Variants in B3GNT9 observed in about 807,000 individuals in gnomAD.
B3GNT9 encodes BGnT-9.
For synonymous variants in B3GNT9, 359 were observed against 283.9 expected (o/e 1.26, Z -2.66); for missense variants, 669 against 599.2 (o/e 1.12, Z -1.22).
In B3GNT9 at chr16:67,149,269, G is replaced by T; in HGVS notation, c.*8C>A. The T allele has an allele frequency of 6.5e-7, 1 of 1,530,526 alleles. No homozygotes were observed. Among genetic ancestry groups the T allele is most frequent in the Non-Finnish European group, 8.8e-7 (1 of 1,139,758 alleles). The allele number at this position is 1,530,526 out of a possible 1,614,324, so 94.8% of individuals were successfully genotyped here. Reference sequence around the variant, plus strand: ...TCTGAGTTAGGAGCTTGGGGCTGTAGTGGGGAGCTAGGAGTCCCATTGGAA... The same window carrying T: ...TCTGAGTTAGGAGCTTGGGGCTGTATTGGGGAGCTAGGAGTCCCATTGGAA... On this transcript the variant is annotated 3_prime_UTR_variant, in exon 2 of 2. Transcript: ENST00000449549.
Position 67,149,716 on chromosome 16 carries a change from A to G in B3GNT9, c.770T>C (p.Val257Ala). Residue 257 changes from valine to alanine, a missense_variant, in exon 2 of 2, where the codon GTA becomes GCA. By Grantham distance (64) the Val-to-Ala change is moderately conservative (BLOSUM62 0). Transcript: ENST00000449549. ...GCGGATGGGCCGCGCATGCACAATT[A>G]CGTCACCAGCAAGCAGGTCTTGCGC... ...DPAQDLLAGD[V>A]IVHARPIRTR... 1 of 1,613,410 alleles carries G rather than the reference A, an allele frequency of 6.2e-7. No homozygotes were observed. The highest frequency in any genetic ancestry group is 8.5e-7 in the Non-Finnish European group (1 of 1,179,782).
rs2030398456 is a variant in B3GNT9 at position 67,149,961 on chromosome 16, T to TCG, written c.523_524dup (p.Thr176GlufsTer30). 6.4e-7 allele frequency: 1 copy of TCG among 1,554,098 alleles called. No individual in the cohort carries two copies. Among genetic ancestry groups the TCG allele is most frequent in the Non-Finnish European group, 8.7e-7 (1 of 1,149,508 alleles). On this transcript the variant is annotated frameshift_variant, in exon 2 of 2. Coordinates refer to ENST00000449549, the MANE Select transcript of B3GNT9 (RefSeq NM_033309.3). LOFTEE classifies it low-confidence loss of function (END_TRUNC). ...CCCGCAGCAGGGCGCGCCAGTGGGT[T>TCG]CGCGCGCCCTCCCCAACTTCGTCGG...
In B3GNT9 at chr16:67,148,969, C is replaced by T. The variant is rs2030336252; in HGVS notation, c.*308G>A. 2 of 298,864 alleles carry T rather than the reference C, an allele frequency of 6.7e-6. No homozygotes were observed. Among genetic ancestry groups the T allele is most frequent in the Non-Finnish European group, 1.2e-5 (2 of 170,740 alleles). 18.5% of individuals were successfully genotyped at this position (298,864 alleles called of 1,614,324 possible). ...AGCAGAGTGGTAGGATTCCCTAAGT[C>T]CCTGCCACCACACCAGAACACACCT... On this transcript the variant is annotated 3_prime_UTR_variant, in exon 2 of 2. Coordinates refer to ENST00000449549, the MANE Select transcript of B3GNT9 (RefSeq NM_033309.3).
At position 67,150,359 on chromosome 16, in the gene B3GNT9, C is replaced by G. The variant is rs1239302184; in HGVS notation, c.127G>C (p.Gly43Arg). The G allele has an allele frequency of 2.2e-6, 3 of 1,350,536 alleles. No individual in the cohort carries two copies. In the South Asian group the frequency reaches 6.0e-5, roughly 27 times the overall value. 83.7% of individuals were successfully genotyped at this position (1,350,536 alleles called of 1,614,324 possible). The stretch of plus-strand genomic sequence containing the variant: ...GGGGTGGGCCTCGGTGCCGCCCTCC[C>G]TCGCCCTCGCGGCGCGCTCGCCGTC... ...APTASAPRGR[G>R]RAAPRPTPGP... The change falls in exon 2 of 2, where the codon GGG (glycine) becomes CGG (arginine). Residue 43 changes from glycine to arginine, a missense_variant. Gly to Arg is a moderately radical substitution (Grantham distance 125). Transcript: ENST00000449549.
In B3GNT9 at chr16:67,149,775, T is replaced by G. The variant is rs183365581; in HGVS notation, c.711A>C (p.Gly237=). 3.1e-5 allele frequency: 50 copies of G among 1,613,832 alleles called. No homozygotes were observed. In the East Asian group the frequency reaches 1.0e-3, roughly 33 times the overall value. Residue 237 remains glycine (G), a synonymous_variant, in exon 2 of 2, where the codon GGA becomes GGC. Coordinates refer to ENST00000449549, the MANE Select transcript of B3GNT9 (RefSeq NM_033309.3). ...GCGGCGCCAGGAACTCCAGGAGATTTCCCACGTTCACGAACACATCTGCGT... is the reference window on the plus strand; with the variant it reads ...GCGGCGCCAGGAACTCCAGGAGATTGCCCACGTTCACGAACACATCTGCGT... ...KGDADVFVNV[G]NLLEFLAPRD...
Position 67,150,039 on chromosome 16 carries a change from C to G in B3GNT9, c.447G>C (p.Leu149=). 4 of 1,506,940 alleles carry G rather than the reference C, an allele frequency of 2.7e-6. No individual in the cohort carries two copies. Among genetic ancestry groups the G allele is most frequent in the Non-Finnish European group, 3.5e-6 (4 of 1,129,716 alleles). The allele number at this position is 1,506,940 out of a possible 1,614,324, so 93.3% of individuals were successfully genotyped here. The change falls in exon 2 of 2, where the codon CTG becomes CTC. Residue 149 remains leucine, a synonymous_variant. Coordinates refer to ENST00000449549, the MANE Select transcript of B3GNT9 (RefSeq NM_033309.3). ...WGAEGRVQGA[L]VRRVFLLGVP... ...CGCCCAGCAAGAACACGCGGCGCACCAGCGCCCCCTGCACGCGACCCTCCG... is the reference window on the plus strand; with the variant it reads ...CGCCCAGCAAGAACACGCGGCGCACGAGCGCCCCCTGCACGCGACCCTCCG...
In B3GNT9 at chr16:67,149,763, C is replaced by T. The variant is rs769480252; in HGVS notation, c.723G>A (p.Glu241=). ...DVFVNVGNLL[E]FLAPRDPAQD... is the part of the protein sequence containing the mutation. ...GCGCCGGGTCCCGCGGCGCCAGGAA[C>T]TCCAGGAGATTTCCCACGTTCACGA... The change falls in exon 2 of 2, where the codon GAG becomes GAA. Residue 241 remains glutamate (E), a synonymous_variant. Coordinates refer to ENST00000449549, the MANE Select transcript of B3GNT9 (RefSeq NM_033309.3). 20 of 1,613,850 alleles carry T rather than the reference C, an allele frequency of 1.2e-5. No individual in the cohort carries two copies. Among genetic ancestry groups the T allele is most frequent in the Admixed American group, 1.7e-5 (1 of 60,032 alleles).
rs199644383 is a variant in B3GNT9, at chr16:67,149,676, C to T, written c.810G>A (p.Lys270=). The T allele has an allele frequency of 1.1e-3, 1,840 of 1,609,704 alleles. 19 individuals are homozygous for T. The African/African-American group carries it at 0.02, about 18-fold the overall frequency. The stretch of plus-strand genomic sequence containing the variant: ...CGTACACGGCCTCGGGGATGTAGTA[C>T]TTGCTAGCCCGCGTGCGGATGGGCC... The part of the protein sequence containing the change: ...HARPIRTRAS[K]YYIPEAVYGL... Residue 270 remains lysine, a synonymous_variant, in exon 2 of 2, where the codon AAG becomes AAA. Transcript: ENST00000449549.
chr16:67,150,554 C>A lies in B3GNT9; in HGVS notation c.-69G>T. The stretch of plus-strand genomic sequence containing the variant: ...CGGCAGCAGGGGGCAGCGAGCCCCG[C>A]CCTCCCCAGCTGAGGGGGCGGGAGG... On this transcript the variant is annotated 5_prime_UTR_variant, in exon 2 of 2. Coordinates refer to ENST00000449549, the MANE Select transcript of B3GNT9 (RefSeq NM_033309.3). 8.2e-7 allele frequency: 1 copy of A among 1,218,986 alleles called. No homozygotes were observed. 75.5% of individuals were successfully genotyped at this position (1,218,986 alleles called of 1,614,324 possible). A position where few individuals can be genotyped will look rare whatever the true frequency, so the allele number is the denominator to read the frequency against.
At position 67,150,545 on chromosome 16, in the gene B3GNT9, C is replaced by G; in HGVS notation, c.-60G>C. 1 of 1,233,774 alleles carries G rather than the reference C, an allele frequency of 8.1e-7. No homozygotes were observed. The highest frequency in any genetic ancestry group is 3.2e-5 in the East Asian group (1 of 31,586). 76.4% of individuals were successfully genotyped at this position (1,233,774 alleles called of 1,614,324 possible). On this transcript the variant is annotated 5_prime_UTR_variant, in exon 2 of 2. Coordinates refer to ENST00000449549, the MANE Select transcript of B3GNT9 (RefSeq NM_033309.3). ...GGTCGCAGTCGGCAGCAGGGGGCAG[C>G]GAGCCCCGCCCTCCCCAGCTGAGGG...
In B3GNT9 at chr16:67,150,214, T is replaced by C. The variant is rs1371199130; in HGVS notation, c.272A>G (p.Lys91Arg). ...GAGCAGTGGAAACCGCCGCTGGTCC[T>C]TGGCGCGCAAATAGCGGGCGAAGTC... is the stretch of plus-strand genomic sequence containing the variant. ...PFDFARYLRAKDQRRFPLLIN... is the reference protein window; with the variant it reads ...PFDFARYLRARDQRRFPLLIN... The change falls in exon 2 of 2, where the codon AAG (lysine) becomes AGG (arginine). Residue 91 changes from lysine to arginine, a missense_variant. Physicochemically the swap from Lys to Arg is conservative, Grantham distance 26. Transcript: ENST00000449549. 2 of 1,553,506 alleles carry C rather than the reference T, an allele frequency of 1.3e-6. No individual in the cohort carries two copies. The highest frequency in any genetic ancestry group is 1.7e-6 in the Non-Finnish European group (2 of 1,152,280).
In B3GNT9 at chr16:67,149,175, A is replaced by G; in HGVS notation, c.*102T>C. The G allele has an allele frequency of 2.1e-6, 3 of 1,443,284 alleles. No homozygotes were observed. The highest frequency in any genetic ancestry group is 2.7e-6 in the Non-Finnish European group (3 of 1,098,810). 89.4% of individuals were successfully genotyped at this position (1,443,284 alleles called of 1,614,324 possible). A position where few individuals can be genotyped will look rare whatever the true frequency, so the allele number is the denominator to read the frequency against. On this transcript the variant is annotated 3_prime_UTR_variant, in exon 2 of 2. Transcript: ENST00000449549. ...CCCCATCCCCTGGGATCCTGTGGAG[A>G]CAGGCACCTGGTGATCAGGGAAGAA...
At position 67,149,384 on chromosome 16, in the gene B3GNT9, A is replaced by C; in HGVS notation, c.1102T>G (p.Ser368Ala). The C allele has an allele frequency of 6.2e-7, 1 of 1,602,586 alleles. No homozygotes were observed. The highest frequency in any genetic ancestry group is 2.3e-5 in the East Asian group (1 of 44,226). The change falls in exon 2 of 2, where the codon TCG becomes GCG. Residue 368 changes from serine to alanine, a missense_variant. Coordinates refer to ENST00000449549, the MANE Select transcript of B3GNT9 (RefSeq NM_033309.3). ...CACATAAGCCAGATGTCAGCGGCCG[A>C]GAGCCCGTGCACTACAACCAGCTCA... Reference protein sequence around the residue: ...YRELVVVHGLSAADIWLMWRL... With the variant: ...YRELVVVHGLAAADIWLMWRL...
intron 1 of B3GNT9, 55 bp from the exon 2 acceptor site, chr16:67,150,726 G>A: frequency 2.7e-6 from 1 of 375,298 alleles, no homozygotes; most frequent in Non-Finnish European, 4.7e-6. Flanking sequence ...CCTCAGCTCC[G>A]GCCCAGGACT....
Position 67,150,658 on chromosome 16 carries a change from C to G in B3GNT9, c.-173G>C. ...TCCTCCTCCCGGCCGTGTCGCACCG[C>G]CGGGACCGGCAGCCTGAAGGGACAA... is the stretch of plus-strand genomic sequence containing the variant. On this transcript the variant is annotated 5_prime_UTR_variant, in exon 2 of 2. Coordinates refer to ENST00000449549, the MANE Select transcript of B3GNT9 (RefSeq NM_033309.3). The G allele has an allele frequency of 2.1e-6, 1 of 471,200 alleles. No individual in the cohort carries two copies. 29.2% of individuals were successfully genotyped at this position (471,200 alleles called of 1,614,324 possible). A position where few individuals can be genotyped will look rare whatever the true frequency, so the allele number is the denominator to read the frequency against.
chr16:67,150,705 C>T (rs2030449638), intron 1 of B3GNT9, 34 bp from the exon 2 acceptor site: 2 of 393,012 alleles, frequency 5.1e-6, no homozygotes, highest in African/African-American at 2.1e-5. Flanking sequence ...ATGTAGCCAA[C>T]TCCCCCGCGG....
In B3GNT9 at chr16:67,148,853, C is replaced by T. The variant is rs1438517113; in HGVS notation, c.*424G>A. 3 of 162,576 alleles carry T rather than the reference C, an allele frequency of 1.8e-5. No homozygotes were observed. Among genetic ancestry groups the T allele is most frequent in the African/African-American group, 7.2e-5 (3 of 41,880 alleles). 10.1% of individuals were successfully genotyped at this position (162,576 alleles called of 1,614,324 possible). ...TGCCTGCCAGGTTCATGAATTCAGG[C>T]TGTGGCGGCCGGAGCCCCTCCACCT... On this transcript the variant is annotated 3_prime_UTR_variant, in exon 2 of 2. Coordinates refer to ENST00000449549, the MANE Select transcript of B3GNT9 (RefSeq NM_033309.3).
At position 67,149,018 on chromosome 16, in the gene B3GNT9, A is replaced by T; in HGVS notation, c.*259T>A. The T allele has an allele frequency of 1.8e-6, 1 of 545,784 alleles. No individual in the cohort carries two copies. Among genetic ancestry groups the T allele is most frequent in the South Asian group, 4.1e-5 (1 of 24,426 alleles). The allele number at this position is 545,784 out of a possible 1,614,324, so 33.8% of individuals were successfully genotyped here. On this transcript the variant is annotated 3_prime_UTR_variant, in exon 2 of 2. Transcript: ENST00000449549. ...CTCTGTGCTACTAGGAGGACCAGAC[A>T]TATCCACTGCTCTGGGACCTGTTGG...
At position 67,149,253 on chromosome 16, in the gene B3GNT9, G is replaced by C; in HGVS notation, c.*24C>G. On this transcript the variant is annotated 3_prime_UTR_variant, in exon 2 of 2. Coordinates refer to ENST00000449549, the MANE Select transcript of B3GNT9 (RefSeq NM_033309.3). Reference sequence around the variant, plus strand: ...CCGGCTCCATTCTGGGTCTGAGTTAGGAGCTTGGGGCTGTAGTGGGGAGCT... The same window carrying C: ...CCGGCTCCATTCTGGGTCTGAGTTACGAGCTTGGGGCTGTAGTGGGGAGCT... 6.6e-7 allele frequency: 1 copy of C among 1,516,308 alleles called. No individual in the cohort carries two copies. The highest frequency in any genetic ancestry group is 1.3e-5 in the South Asian group (1 of 74,990). The allele number at this position is 1,516,308 out of a possible 1,614,324, so 93.9% of individuals were successfully genotyped here.
Sources: allele counts gnomAD v4.1 joint callset, GRCh38; gene constraint gnomAD v4.1.1; transcripts MANE v1.5; gene names NCBI Gene and HGNC (gene_info 2026-07-23, HGNC 2026-07-21).